PBX4: variants seen among roughly 807,000 people sequenced by gnomAD.
The protein encoded by PBX4 is pre-B-cell leukemia transcription factor 4.
PBX4 carries 26 observed loss-of-function variants against 35.1 expected under a neutral mutation model. That is an observed-to-expected ratio of 0.74 (90% CI 0.54 to 1.03). The LOEUF (loss-of-function observed/expected upper bound fraction) is 1.03. PBX4 is among the 50% of genes least tolerant of loss of function. The pLI is 0.00. For missense variants in PBX4, 448 were observed against 504.3 expected (o/e 0.89, Z 1.07); for synonymous variants, 199 against 204.2 (o/e 0.97, Z 0.22).
At chr19:19,582,950 A>C (rs747749141) in intron 2 of PBX4, among the ~76,000 whole-genome samples, 1 of 152,224 alleles carries the variant, frequency 6.6e-6, no homozygotes, top group Non-Finnish European at 1.5e-5. Context: ...AAGGGGGAAA[A>C]GGGAACACTC....
intron 2 of PBX4, among the ~76,000 whole-genome samples, chr19:19,587,849 T>C (rs564255318): frequency 5.0e-4 from 76 of 151,890 alleles, no homozygotes; most frequent in African/African-American, 1.8e-3. Flanking sequence ...AAAACATTAA[T>C]TAATCTATCA....
intron 4 of PBX4, 94 bp from the exon 5 acceptor site, chr19:19,569,678 A>G: frequency 6.8e-7 from 1 of 1,470,152 alleles, no homozygotes; most frequent in Non-Finnish European, 9.1e-7. Flanking sequence ...AGTAGTTCTG[A>G]AAACAGCAAT....
intron 2 of PBX4, among the ~76,000 whole-genome samples, chr19:19,578,875 T>C (rs993285045): frequency 2.0e-5 from 3 of 152,284 alleles, no homozygotes; most frequent in Non-Finnish European, 4.4e-5. Context: ...ATAGGATTAA[T>C]GTCCTGATGG....
At position 19,570,423 on chromosome 19, in the gene PBX4, A is replaced by C. The variant is rs944721902; in HGVS notation, c.442-124T>G. The C allele has an allele frequency of 2.1e-6, 3 of 1,427,818 alleles. No individual in the cohort carries two copies. In the African/African-American group the frequency reaches 4.3e-5, roughly 20 times the overall value. The allele number at this position is 1,427,818 out of a possible 1,614,324, so 88.4% of individuals were successfully genotyped here. On this transcript the variant is annotated intron_variant, in intron 3 of 7. Transcript: ENST00000251203. ...GTTCACACACCGGCGGGTGACTGTTAAGTAAATGGAAAGGGCTTTCAGTAA... is the reference window on the plus strand; with the variant it reads ...GTTCACACACCGGCGGGTGACTGTTCAGTAAATGGAAAGGGCTTTCAGTAA...
intron 4 of PBX4, among the ~76,000 whole-genome samples, chr19:19,569,802 C>T (rs1180577065): frequency 2.0e-5 from 3 of 152,064 alleles, no homozygotes; most frequent in Non-Finnish European, 4.4e-5. Context: ...CCCAGCTACT[C>T]GGGAGGCTGA....
chr19:19,561,944 C>A lies in PBX4; in HGVS notation c.*81G>T. The A allele has an allele frequency of 3.2e-6, 4 of 1,269,744 alleles. No homozygotes were observed. The highest frequency in any genetic ancestry group is 4.4e-6 in the Non-Finnish European group (4 of 916,274). The allele number at this position is 1,269,744 out of a possible 1,614,324, so 78.7% of individuals were successfully genotyped here. A position where few individuals can be genotyped will look rare whatever the true frequency, so the allele number is the denominator to read the frequency against. ...ACCCATCTGGGTTTTCTGAGGTCGT[C>A]GGCGGCACGTTCAGTAACAAAGCAA... On this transcript the variant is annotated 3_prime_UTR_variant, in exon 8 of 8. Transcript: ENST00000251203.
At chr19:19,570,945 G>A (rs1358855133) in intron 2 of PBX4, 112 bp from the exon 3 acceptor site, 16 of 1,381,184 alleles carry the variant, frequency 1.2e-5, no homozygotes, top group Middle Eastern at 1.9e-4. Flanking sequence ...AGAACCCTTC[G>A]GGAGAAAGGA....
intron 5 of PBX4, 27 bp downstream of exon 5, chr19:19,569,422 G>A (rs373642487): frequency 4.4e-6 from 7 of 1,599,502 alleles, no homozygotes; most frequent in South Asian, 1.1e-5. Context: ...CCCAGGCGTG[G>A]CGAGACGTGG....
At chr19:19,584,056 C>G (rs576299836) in intron 2 of PBX4, among the ~76,000 whole-genome samples, 1 of 151,698 alleles carries the variant, frequency 6.6e-6, no homozygotes, top group African/African-American at 2.4e-5. Flanking sequence ...GCAACAAGAG[C>G]GAAACTTCAT....
chr19:19,589,414 A>C (rs1040694924), intron 2 of PBX4, among the ~76,000 whole-genome samples: 1 of 152,078 alleles, frequency 6.6e-6, no homozygotes, highest in African/African-American at 2.4e-5. Context: ...AGCCTGGGCA[A>C]CTGAGCGAGA....
At chr19:19,583,445 T>C (rs144078850) in intron 2 of PBX4, among the ~76,000 whole-genome samples, 2,296 of 151,734 alleles carry the variant, frequency 0.015, 79 homozygotes, top group South Asian at 0.077. Context: ...ACCCCATCTC[T>C]ACAAAAAATT....
At position 19,570,131 on chromosome 19, in the gene PBX4, G is replaced by A. The variant is rs766502529; in HGVS notation, c.610C>T (p.Arg204Cys). ...QSTCEAVMTL[R>C]SRLLDARRKR... is the part of the protein sequence containing the mutation. Reference sequence around the variant, plus strand: ...GACCTGGCATCGAGCAGCCGCGAACGCAGGGTCATCACTGCCTCACAGGTG... The same window carrying A: ...GACCTGGCATCGAGCAGCCGCGAACACAGGGTCATCACTGCCTCACAGGTG... The change falls in exon 4 of 8, where the codon CGT (arginine) becomes TGT (cysteine). Residue 204 changes from arginine (R) to cysteine (C), a missense_variant. Physicochemically the swap from Arg to Cys is radical, Grantham distance 180. Coordinates refer to ENST00000251203, the MANE Select transcript of PBX4 (RefSeq NM_025245.3). 7.5e-6 allele frequency: 12 copies of A among 1,608,690 alleles called. No homozygotes were observed. The highest frequency in any genetic ancestry group is 1.1e-5 in the South Asian group (1 of 90,682).
chr19:19,572,463 G>C (rs2061390053), intron 2 of PBX4, among the ~76,000 whole-genome samples: 1 of 152,118 alleles, frequency 6.6e-6, no homozygotes, highest in Admixed American at 6.6e-5. Flanking sequence ...TCATTTACAA[G>C]TGTCCCTTTC....
chr19:19,573,079 G>T (rs1187800065), intron 2 of PBX4, among the ~76,000 whole-genome samples: 1 of 151,984 alleles, frequency 6.6e-6, no homozygotes, highest in Admixed American at 6.6e-5. Flanking sequence ...GCCAAGGTGG[G>T]TGGATCACCT....
At chr19:19,565,127 G>A in intron 5 of PBX4, 38 bp from the exon 6 acceptor site, 14 of 1,613,316 alleles carry the variant, frequency 8.7e-6, no homozygotes, top group Non-Finnish European at 1.2e-5. Context: ...AGCTGACCCA[G>A]CGACTTCTGA....
At chr19:19,599,847 C>T (rs771293930) in intron 1 of PBX4, among the ~76,000 whole-genome samples, 57 of 146,852 alleles carry the variant, frequency 3.9e-4, no homozygotes, top group Non-Finnish European at 7.7e-4. Flanking sequence ...GTGGTGCCCA[C>T]CTGTAATCCC....
At chr19:19,617,895 G>C (rs2061696250) in intron 1 of PBX4, among the ~76,000 whole-genome samples, 1 of 152,114 alleles carries the variant, frequency 6.6e-6, no homozygotes, top group Non-Finnish European at 1.5e-5. Context: ...GCCGGGCTCG[G>C]TGGCTCGCGC....
intron 2 of PBX4, among the ~76,000 whole-genome samples, chr19:19,578,015 TAAA>T (rs34023797): frequency 4.1e-5 from 3 of 73,382 alleles, no homozygotes; most frequent in Admixed American, 1.6e-4. Flanking sequence ...CCATCTCTAC[TAAA>T]AAAAAAAAAA....
intron 6 of PBX4, among the ~76,000 whole-genome samples, chr19:19,564,001 T>C (rs1011276046): frequency 1.3e-5 from 2 of 151,992 alleles, no homozygotes; most frequent in African/African-American, 4.8e-5. Flanking sequence ...TTTTTTTTAT[T>C]ATTATTATAC....
Sources: gnomAD v4.1 joint callset for allele counts (sites outside exome capture counted in the v4.1 genomes callset) on GRCh38, gnomAD v4.1.1 for gene constraint, MANE v1.5 for transcripts, NCBI Gene and HGNC (gene_info 2026-07-23, HGNC 2026-07-21) for gene names.